Variants in DRC4 observed in about 807,000 individuals in gnomAD.
DRC4 encodes dynein regulatory complex subunit 4.
the DRC4 span, chr16:90,032,912 G>T: frequency 6.2e-7 from 1 of 1,613,462 alleles, no homozygotes. Context: ...TGGTGGTGAA[G>T]AACCTGCGGC....
At chr16:90,037,755 C>T in the DRC4 span, 10 of 1,613,022 alleles carry the variant, frequency 6.2e-6, no homozygotes, top group African/African-American at 1.3e-5. Flanking sequence ...CCCTGTTTTT[C>T]CTCCAGTGCA....
At chr16:90,043,394 G>A in the DRC4 span, 24 of 1,542,146 alleles carry the variant, frequency 1.6e-5, no homozygotes, top group African/African-American at 2.8e-5. Flanking sequence ...AGGAACACTC[G>A]GGATGACACC....
At chr16:90,029,014 C>T in the DRC4 span, 3 of 1,305,438 alleles carry the variant, frequency 2.3e-6, no homozygotes, top group Non-Finnish European at 3.0e-6. Context: ...GGAAAGATGT[C>T]TGGAGCTGCT....
At chr16:90,043,794 T>C in the DRC4 span, 3 of 470,224 alleles carry the variant, frequency 6.4e-6, no homozygotes, top group Non-Finnish European at 1.3e-5. Flanking sequence ...GGCCGGGACT[T>C]CCCTAGGAAG....
chr16:90,038,018 G>C, the DRC4 span, among the ~76,000 whole-genome samples: 1 of 152,212 alleles, frequency 6.6e-6, no homozygotes, highest in South Asian at 2.1e-4. Context: ...AGATGCCTTG[G>C]CCAGGTTTCT....
At chr16:90,033,028 C>A in the DRC4 span, 1 of 1,078,008 alleles carries the variant, frequency 9.3e-7, no homozygotes, top group Non-Finnish European at 1.3e-6. Flanking sequence ...ATTCATATTT[C>A]TGCATAAGAC....
chr16:90,038,906 A>G, the DRC4 span, among the ~76,000 whole-genome samples: 17 of 152,368 alleles, frequency 1.1e-4, no homozygotes, highest in Admixed American at 9.1e-4. Flanking sequence ...GTGCGGGGCC[A>G]GGGCATCTTA....
the DRC4 span, chr16:90,043,667 C>T: frequency 4.3e-4 from 237 of 545,984 alleles, 5 homozygotes; most frequent in South Asian, 3.4e-3. Flanking sequence ...GGGGCAGTGC[C>T]GCGCTGTGCT....
chr16:90,037,180 C>A, the DRC4 span: 3 of 1,526,944 alleles, frequency 2.0e-6, no homozygotes, highest in African/African-American at 2.7e-5. Flanking sequence ...AGGCCACAGC[C>A]CCTTTGGTTC....
At chr16:90,037,210 G>C in the DRC4 span, 2 of 1,586,584 alleles carry the variant, frequency 1.3e-6, no homozygotes, top group Non-Finnish European at 1.7e-6. Context: ...AGCCCCTGCC[G>C]GGCCTGTGCT....
chr16:90,028,173 A>ATTTCTTTTTTTT, the DRC4 span, among the ~76,000 whole-genome samples: 1 of 63,836 alleles, frequency 1.6e-5, no homozygotes, highest in Non-Finnish European at 2.8e-5. Flanking sequence ...TTAATCGTTC[A>ATTTCTTTTTTTT]TTTTTTTTTT....
chr16:90,034,041 G>A, the DRC4 span, among the ~76,000 whole-genome samples: 1 of 152,012 alleles, frequency 6.6e-6, no homozygotes, highest in African/African-American at 2.4e-5. Context: ...GTGGGGACTG[G>A]GACTTTGACC....
At chr16:90,043,788 G>A in the DRC4 span, 11 of 470,690 alleles carry the variant, frequency 2.3e-5, no homozygotes, top group African/African-American at 6.0e-5. Flanking sequence ...CCAGGGGGCC[G>A]GGACTTCCCT....
the DRC4 span, chr16:90,040,167 C>T: frequency 1.8e-5 from 15 of 827,352 alleles, no homozygotes; most frequent in South Asian, 8.0e-5. Flanking sequence ...ACACTGACCC[C>T]GGTGCTGTGG....
chr16:90,038,114 A>C, the DRC4 span, among the ~76,000 whole-genome samples: 1 of 152,204 alleles, frequency 6.6e-6, no homozygotes, highest in East Asian at 1.9e-4. Flanking sequence ...CTGCATGCAT[A>C]TTCTGCAGAA....
the DRC4 span, chr16:90,040,168 G>A: frequency 1.7e-5 from 14 of 828,152 alleles, no homozygotes; most frequent in East Asian, 8.0e-5. Flanking sequence ...CACTGACCCC[G>A]GTGCTGTGGG....
chr16:90,034,932 T>C, the DRC4 span, among the ~76,000 whole-genome samples: 1 of 144,386 alleles, frequency 6.9e-6, no homozygotes, highest in Non-Finnish European at 1.5e-5. Flanking sequence ...AGATGGAGTT[T>C]TGCTCTTGTT....
chr16:90,032,773 A>T, the DRC4 span: 2 of 1,613,976 alleles, frequency 1.2e-6, no homozygotes, highest in East Asian at 4.5e-5. Flanking sequence ...AACCTGACAG[A>T]GATGAAGGCT....
the DRC4 span, chr16:90,022,683 C>T: frequency 1.5e-5 from 21 of 1,421,698 alleles, no homozygotes; most frequent in Middle Eastern, 2.5e-4. Flanking sequence ...GGCGGGCGCC[C>T]TGGTCCCGGA....
Sources: gnomAD v4.1 joint callset for allele counts (sites outside exome capture counted in the v4.1 genomes callset) on GRCh38, gnomAD v4.1.1 for gene constraint, MANE v1.5 for transcripts, NCBI Gene and HGNC (gene_info 2026-07-23, HGNC 2026-07-21) for gene names.